Variants in LYPD6 observed in about 807,000 individuals in gnomAD.
The protein encoded by LYPD6 is LY6/PLAUR domain containing 6.
A neutral mutation model predicts 22.7 loss-of-function variants in LYPD6; 15 were observed. The ratio of observed to expected loss-of-function variants is 0.66; its 90% CI spans 0.44 to 1.02. The LOEUF (loss-of-function observed/expected upper bound fraction) is 1.02. LYPD6 is among the 50% of genes least tolerant of loss of function. The pLI, the probability that LYPD6 is intolerant of heterozygous loss-of-function variation, is 0.00. For synonymous variants in LYPD6, 72 were observed against 77.5 expected (o/e 0.93, Z 0.37); for missense variants, 189 against 208.4 (o/e 0.91, Z 0.57).
intron 1 of LYPD6, among the ~76,000 whole-genome samples, chr2:149,394,557 A>G (rs1682386087): frequency 1.3e-5 from 2 of 152,284 alleles, no homozygotes; most frequent in South Asian, 4.1e-4. Flanking sequence ...TGATCACATA[A>G]AGTAAAAACT....
At chr2:149,365,394 T>C (rs899735918) in intron 1 of LYPD6, among the ~76,000 whole-genome samples, 2 of 152,244 alleles carry the variant, frequency 1.3e-5, no homozygotes, top group Non-Finnish European at 2.9e-5. Flanking sequence ...TGTTAGGAAC[T>C]GAATCAATGT....
At chr2:149,428,235 G>T (rs951713454) in intron 1 of LYPD6, among the ~76,000 whole-genome samples, 1 of 152,184 alleles carries the variant, frequency 6.6e-6, no homozygotes, top group Non-Finnish European at 1.5e-5. Context: ...ATTTAAGCTA[G>T]TGGCTGGATC....
chr2:149,365,435 A>T (rs1681642212), intron 1 of LYPD6, among the ~76,000 whole-genome samples: 1 of 152,188 alleles, frequency 6.6e-6, no homozygotes. Context: ...CAGAGTTTCC[A>T]GTGTTGTGTC....
chr2:149,397,343 T>C (rs543505419), intron 1 of LYPD6, among the ~76,000 whole-genome samples: 13 of 152,284 alleles, frequency 8.5e-5, no homozygotes, highest in Non-Finnish European at 1.9e-4. Flanking sequence ...TCAGTGTTCC[T>C]CCATGAGGCC....
At chr2:149,349,027 T>C (rs1323766171) in intron 1 of LYPD6, among the ~76,000 whole-genome samples, 1 of 152,132 alleles carries the variant, frequency 6.6e-6, no homozygotes, top group Non-Finnish European at 1.5e-5. Flanking sequence ...GGTGGGGCTG[T>C]CATTTACTGA....
intron 3 of LYPD6, among the ~76,000 whole-genome samples, chr2:149,467,402 C>T (rs1436982990): frequency 1.3e-5 from 2 of 152,158 alleles, no homozygotes; most frequent in African/African-American, 4.8e-5. Flanking sequence ...TTTGGGATTC[C>T]TGTCAGGTGA....
intron 2 of LYPD6, among the ~76,000 whole-genome samples, chr2:149,441,954 G>C (rs569038463): frequency 6.6e-6 from 1 of 152,098 alleles, no homozygotes; most frequent in Non-Finnish European, 1.5e-5. Context: ...GGGCTTGTTT[G>C]TGCCCATGTA....
chr2:149,431,376 G>A (rs1182228235), intron 1 of LYPD6, among the ~76,000 whole-genome samples: 3 of 152,204 alleles, frequency 2.0e-5, no homozygotes, highest in South Asian at 2.1e-4. Flanking sequence ...CATGTCCAGC[G>A]TCACATTTGT....
chr2:149,365,603 T>C (rs1008488615), intron 1 of LYPD6, among the ~76,000 whole-genome samples: 1 of 152,206 alleles, frequency 6.6e-6, no homozygotes, highest in Non-Finnish European at 1.5e-5. Context: ...TATTTACAGC[T>C]GTGTTTCTCA....
chr2:149,343,025 T>C (rs1320516531), intron 1 of LYPD6, among the ~76,000 whole-genome samples: 1 of 152,244 alleles, frequency 6.6e-6, no homozygotes, highest in Non-Finnish European at 1.5e-5. Flanking sequence ...TCTATAATGG[T>C]ACTTTCTTCT....
At chr2:149,385,398 T>C (rs1682161149) in intron 1 of LYPD6, among the ~76,000 whole-genome samples, 2 of 152,190 alleles carry the variant, frequency 1.3e-5, no homozygotes, top group Non-Finnish European at 2.9e-5. Flanking sequence ...CTGAGTTTAA[T>C]GGTATTAGCC....
intron 1 of LYPD6, among the ~76,000 whole-genome samples, chr2:149,419,781 C>T (rs993949803): frequency 6.6e-6 from 1 of 152,112 alleles, no homozygotes; most frequent in Non-Finnish European, 1.5e-5. Flanking sequence ...GACTTTTGAT[C>T]AAATTCCTTT....
intron 1 of LYPD6, among the ~76,000 whole-genome samples, chr2:149,365,853 A>G (rs1368781853): frequency 6.6e-6 from 1 of 152,180 alleles, no homozygotes; most frequent in Non-Finnish European, 1.5e-5. Flanking sequence ...TCAACAACCA[A>G]TTTTAATCTT....
intron 1 of LYPD6, among the ~76,000 whole-genome samples, chr2:149,406,967 T>G (rs1251016677): frequency 6.6e-6 from 1 of 151,810 alleles, no homozygotes; most frequent in Non-Finnish European, 1.5e-5. Context: ...GTCTGTAAAG[T>G]ATTTTATTTC....
upstream of LYPD6, chr2:149,330,478 G>A (rs926720124): frequency 6.7e-6 from 1 of 149,196 alleles, no homozygotes; most frequent in African/African-American, 2.4e-5. Flanking sequence ...TTGGTCCCGC[G>A]GCCCTCGAGG....
intron 3 of LYPD6, among the ~76,000 whole-genome samples, chr2:149,449,860 G>A (rs906500193): frequency 3.3e-5 from 5 of 152,134 alleles, no homozygotes; most frequent in Non-Finnish European, 7.4e-5. Context: ...ACAAATGTTC[G>A]AGTGAATAGT....
At chr2:149,356,085 CTT>C (rs75939577) in intron 1 of LYPD6, among the ~76,000 whole-genome samples, 173 of 144,064 alleles carry the variant, frequency 1.2e-3, no homozygotes, top group African/African-American at 4.1e-3. Flanking sequence ...TCTTTTCCCA[CTT>C]TTTTTTTTTT....
intron 1 of LYPD6, among the ~76,000 whole-genome samples, chr2:149,406,790 T>G (rs1573779833): frequency 6.6e-6 from 1 of 152,256 alleles, no homozygotes; most frequent in South Asian, 2.1e-4. Flanking sequence ...GTTAGCTGGT[T>G]ATTTTGCTCG....
intron 1 of LYPD6, among the ~76,000 whole-genome samples, chr2:149,403,540 T>G (rs1412308969): frequency 7.1e-6 from 1 of 140,778 alleles, no homozygotes; most frequent in African/African-American, 2.9e-5. Flanking sequence ...TTTTGAGAAG[T>G]GTCTGTTCAT....
Sources: gnomAD v4.1 joint callset for allele counts (sites outside exome capture counted in the v4.1 genomes callset) on GRCh38, gnomAD v4.1.1 for gene constraint, MANE v1.5 for transcripts, NCBI Gene and HGNC (gene_info 2026-07-23, HGNC 2026-07-21) for gene names.